The following ERBB4 variants were observed in gnomAD, a reference collection of about 807,000 sequenced individuals.
The protein encoded by ERBB4 is receptor tyrosine-protein kinase erbB-4.
A neutral mutation model predicts 158.0 loss-of-function variants in ERBB4; 42 were observed. The ratio of observed to expected loss-of-function variants is 0.27; its 90% CI spans 0.21 to 0.34. The LOEUF is 0.34. Ranked by LOEUF, ERBB4 falls within the 10% of genes least tolerant of loss-of-function variation. ERBB4 has a pLI of 1.00. For synonymous variants in ERBB4, 583 were observed against 558.7 expected, an observed-to-expected ratio of 1.04 and a Z score of -0.61; for missense variants, 1,333 against 1,624.1, an observed-to-expected ratio of 0.82 and a Z score of 3.08.
intron 4 of ERBB4, among the ~76,000 whole-genome samples, chr2:211,781,412 T>C (rs1186063653): frequency 1.3e-5 from 2 of 152,220 alleles, no homozygotes; most frequent in Non-Finnish European, 2.9e-5. Flanking sequence ...CTTCAGTTGT[T>C]AGTTGGTATT....
At chr2:211,455,331 T>C (rs1177802937) in intron 20 of ERBB4, among the ~76,000 whole-genome samples, 1 of 152,228 alleles carries the variant, frequency 6.6e-6, no homozygotes, top group Non-Finnish European at 1.5e-5. Context: ...TTCAGTGGAC[T>C]TCTTATTTGG....
chr2:211,682,694 A>G (rs983501293), intron 12 of ERBB4, among the ~76,000 whole-genome samples: 1 of 151,824 alleles, frequency 6.6e-6, no homozygotes, highest in African/African-American at 2.4e-5. Flanking sequence ...CTGGTTCTCT[A>G]CTCTCTTCCA....
chr2:211,446,599 G>A (rs1014512278), intron 20 of ERBB4, among the ~76,000 whole-genome samples: 1 of 152,016 alleles, frequency 6.6e-6, no homozygotes, highest in Non-Finnish European at 1.5e-5. Context: ...ACCAACAAAT[G>A]CATGGGATCT....
intron 20 of ERBB4, among the ~76,000 whole-genome samples, chr2:211,493,572 C>CA (rs1416064111): frequency 1.4e-5 from 2 of 146,296 alleles, no homozygotes; most frequent in African/African-American, 5.0e-5. Context: ...AAAACAAAAA[C>CA]AAAAACAAAA....
intron 1 of ERBB4, among the ~76,000 whole-genome samples, chr2:212,202,073 G>A (rs567265895): frequency 2.2e-4 from 34 of 152,078 alleles, no homozygotes; most frequent in Admixed American, 1.4e-3. Flanking sequence ...ATACCAATTC[G>A]GTTACAAAGC....
At chr2:212,343,662 A>G (rs2088833678) in intron 1 of ERBB4, among the ~76,000 whole-genome samples, 1 of 152,144 alleles carries the variant, frequency 6.6e-6, no homozygotes, top group Non-Finnish European at 1.5e-5. Flanking sequence ...ACAAAAACAA[A>G]TCATAACATT....
chr2:211,524,747 T>G lies in ERBB4; in HGVS notation c.2487+37156A>C, dbSNP rs535608766. Among the ~76,000 whole-genome samples the G allele has an allele frequency of 2.2e-4, 34 of 152,150 alleles. 1 individual carries two copies. The South Asian group carries it at 6.8e-3, about 31-fold the overall frequency. On this transcript the variant is annotated intron_variant, in intron 20 of 27. Transcript: ENST00000342788. ...CGCCAGGCGCAGCCCAGATTGCCAT[T>G]TGCACCTCTCCCTCCACACCTCCCT...
At chr2:211,640,389 TG>T (rs894444439) in intron 16 of ERBB4, among the ~76,000 whole-genome samples, 4 of 152,154 alleles carry the variant, frequency 2.6e-5, no homozygotes, top group African/African-American at 9.6e-5. Flanking sequence ...AATACAGTTG[TG>T]GGAAAAATAC....
At chr2:212,417,439 G>A (rs1242482241) in intron 1 of ERBB4, among the ~76,000 whole-genome samples, 2 of 151,882 alleles carry the variant, frequency 1.3e-5, no homozygotes, top group Admixed American at 6.6e-5. Context: ...TTTTTTGAGC[G>A]CTGACATTAC....
At chr2:211,606,198 C>A (rs1291048320) in intron 19 of ERBB4, among the ~76,000 whole-genome samples, 1 of 152,040 alleles carries the variant, frequency 6.6e-6, no homozygotes, top group African/African-American at 2.4e-5. Flanking sequence ...TAAGGGAAGT[C>A]TTTTGCTTCA....
chr2:211,765,820 T>C (rs2106252570), intron 4 of ERBB4, among the ~76,000 whole-genome samples: 1 of 152,356 alleles, frequency 6.6e-6, no homozygotes, highest in Non-Finnish European at 1.5e-5. Context: ...TAAAGCCAAT[T>C]TCTTTATTCT....
At chr2:212,272,283 A>T (rs1423222973) in intron 1 of ERBB4, among the ~76,000 whole-genome samples, 4 of 151,818 alleles carry the variant, frequency 2.6e-5, no homozygotes, top group African/African-American at 9.7e-5. Flanking sequence ...TTAAAAAGCA[A>T]TGCACAAAAG....
At chr2:211,897,366 T>C (rs932577209) in intron 3 of ERBB4, among the ~76,000 whole-genome samples, 1 of 151,536 alleles carries the variant, frequency 6.6e-6, no homozygotes, top group African/African-American at 2.4e-5. Context: ...AATTAAGCAA[T>C]AGTGTTTTAC....
At chr2:211,552,092 T>C (rs1304220624) in intron 20 of ERBB4, among the ~76,000 whole-genome samples, 1 of 151,836 alleles carries the variant, frequency 6.6e-6, no homozygotes, top group Non-Finnish European at 1.5e-5. Flanking sequence ...CCACCAATAG[T>C]AAAGAAAAGT....
intron 1 of ERBB4, among the ~76,000 whole-genome samples, chr2:212,398,480 C>T (rs964914115): frequency 2.0e-5 from 3 of 152,036 alleles, no homozygotes; most frequent in African/African-American, 7.2e-5. Flanking sequence ...AACAAACACG[C>T]TCATCCAAAA....
At chr2:211,880,738 G>C (rs2078639505) in intron 3 of ERBB4, among the ~76,000 whole-genome samples, 1 of 152,026 alleles carries the variant, frequency 6.6e-6, no homozygotes, top group African/African-American at 2.4e-5. Context: ...TGAAATCATT[G>C]ATGCTTTACA....
intron 2 of ERBB4, among the ~76,000 whole-genome samples, chr2:212,002,918 G>T (rs1170595966): frequency 6.6e-6 from 1 of 151,328 alleles, no homozygotes; most frequent in Non-Finnish European, 1.5e-5. Context: ...AATATTAGCT[G>T]GGCATAGTGG....
chr2:211,509,646 A>G (rs1407318411), intron 20 of ERBB4, among the ~76,000 whole-genome samples: 1 of 152,104 alleles, frequency 6.6e-6, no homozygotes, highest in African/African-American at 2.4e-5. Context: ...GAAACTATCA[A>G]TAGAGTAAAC....
chr2:212,055,877 C>T (rs1211585420), intron 2 of ERBB4, among the ~76,000 whole-genome samples: 1 of 152,204 alleles, frequency 6.6e-6, no homozygotes, highest in Non-Finnish European at 1.5e-5. Context: ...CCACCTCTCC[C>T]CGTCCAAAGG....
Sources: allele counts gnomAD v4.1 joint callset (sites outside exome capture counted in the v4.1 genomes callset), GRCh38; gene constraint gnomAD v4.1.1; transcripts MANE v1.5; gene names NCBI Gene and HGNC (gene_info 2026-07-23, HGNC 2026-07-21).